The following CD99L2 variants were observed in gnomAD, a reference collection of about 807,000 sequenced individuals.
CD99L2 encodes CD99 antigen-like protein 2.
A neutral mutation model predicts 27.3 loss-of-function variants in CD99L2; 24 were observed. The observed-to-expected ratio is 0.88, with a 90% CI of 0.64 to 1.24. CD99L2 has a LOEUF of 1.24. Among genes scored for constraint, CD99L2 ranks in the 50% most tolerant of loss-of-function variants. The pLI, the probability that CD99L2 is intolerant of heterozygous loss-of-function variation, is 0.00. For synonymous variants in CD99L2, 97 were observed against 87.9 expected, an observed-to-expected ratio of 1.10 and a Z score of -0.58; for missense variants, 255 against 221.6, an observed-to-expected ratio of 1.15 and a Z score of -0.96.
chrX:150,868,869 C>T (rs186026113), intron 1 of CD99L2, among the ~76,000 whole-genome samples: 4 of 111,655 alleles, frequency 3.6e-5, no homozygotes. Context: ...CTTGTGATGG[C>T]CTCGTGGCAG....
chrX:150,775,111 T>C lies in CD99L2; in HGVS notation c.655+1063A>G, dbSNP rs781998876. Among the ~76,000 whole-genome samples the C allele has an allele frequency of 8.0e-5, 9 of 112,472 alleles. No individual in the cohort carries two copies. The South Asian group carries it at 2.2e-3, about 28-fold the overall frequency. On this transcript the variant is annotated intron_variant, in intron 9 of 10. Coordinates refer to ENST00000370377, the MANE Select transcript of CD99L2 (RefSeq NM_031462.4). The stretch of plus-strand genomic sequence containing the variant: ...ATATGATGGTCAGATTAATAAACAG[T>C]TGGAGACTTCCGTAAAGCATCTTGG...
intron 1 of CD99L2, among the ~76,000 whole-genome samples, chrX:150,874,876 T>A (rs2047206836): frequency 8.9e-6 from 1 of 111,868 alleles, no homozygotes; most frequent in African/African-American, 3.3e-5. Flanking sequence ...CCAGACTGAT[T>A]CCACCTGTTC....
rs369721600 is a variant in CD99L2 at position 150,777,570 on chromosome X, C to T, written c.497-88G>A. The T allele has an allele frequency of 2.0e-4, 187 of 940,677 alleles. No homozygotes were observed. In the East Asian group the frequency reaches 5.1e-3, roughly 26 times the overall value. The allele number at this position is 940,677 out of a possible 1,213,427, so 77.5% of individuals were successfully genotyped here. ...TCCGCGAGACGGATGGCAGTGCTGG[C>T]CCTTCCAATCCCACCTATGCGACAA... On this transcript the variant is annotated intron_variant, in intron 7 of 10. Coordinates refer to ENST00000370377, the MANE Select transcript of CD99L2 (RefSeq NM_031462.4).
chrX:150,889,666 T>A (rs1557422725), intron 1 of CD99L2, among the ~76,000 whole-genome samples: 1 of 112,219 alleles, frequency 8.9e-6, no homozygotes, highest in Admixed American at 9.4e-5. Context: ...AGATGTTCAC[T>A]GAACAGGGGT....
chrX:150,884,298 T>C (rs2047375112), intron 1 of CD99L2, among the ~76,000 whole-genome samples: 1 of 112,078 alleles, frequency 8.9e-6, no homozygotes, highest in Non-Finnish European at 1.9e-5. Flanking sequence ...AGGGTGATGA[T>C]ACTGCATGTC....
At chrX:150,781,968 G>C (rs2045519383) in intron 7 of CD99L2, among the ~76,000 whole-genome samples, 1 of 112,045 alleles carries the variant, frequency 8.9e-6, no homozygotes, top group African/African-American at 3.2e-5. Context: ...ATACATCTGG[G>C]GGAGGCGGGG....
chrX:150,850,494 C>A (rs1557421571), intron 1 of CD99L2, among the ~76,000 whole-genome samples: 1 of 112,119 alleles, frequency 8.9e-6, no homozygotes, highest in East Asian at 2.8e-4. Context: ...CACATAGAAA[C>A]AAATATTACA....
At chrX:150,861,141 CAAA>C (rs782255590) in intron 1 of CD99L2, among the ~76,000 whole-genome samples, 1 of 40,913 alleles carries the variant, frequency 2.4e-5, no homozygotes, top group African/African-American at 8.8e-5. Context: ...GACTCTGTCT[CAAA>C]AAAAAAAAAA....
chrX:150,769,332 AAAAAAT>A (rs2043371324), intron 10 of CD99L2, among the ~76,000 whole-genome samples: 3 of 112,024 alleles, frequency 2.7e-5, no homozygotes, highest in Non-Finnish European at 5.6e-5. Flanking sequence ...CTCCTCACCT[AAAAAAT>A]GAGCGTGTTC....
intron 1 of CD99L2, among the ~76,000 whole-genome samples, chrX:150,857,776 G>A (rs2046915977): frequency 9.0e-6 from 1 of 111,647 alleles, no homozygotes; most frequent in South Asian, 3.7e-4. Flanking sequence ...AGAAGAAAAG[G>A]ACAAACAACA....
intron 8 of CD99L2, chrX:150,777,204 A>C (rs2043571871): frequency 2.4e-6 from 1 of 420,453 alleles, no homozygotes; most frequent in African/African-American, 2.5e-5. Flanking sequence ...GGTGAAATTC[A>C]CAGAACTGTT....
intron 1 of CD99L2, among the ~76,000 whole-genome samples, chrX:150,872,970 C>T (rs1228996671): frequency 1.8e-5 from 2 of 111,760 alleles, no homozygotes; most frequent in African/African-American, 6.5e-5. Context: ...AGCCTTCCCC[C>T]TCCACCTGTG....
rs2043353582 is a variant in CD99L2, at chrX:150,768,714, A to T, written c.*320T>A. On this transcript the variant is annotated 3_prime_UTR_variant, in exon 11 of 11. Transcript: ENST00000370377. The stretch of plus-strand genomic sequence containing the variant: ...AGCATAAATGTCATCAGGCCTCAGC[A>T]TCATCTTGGCCCCCGCATCCTGTGC... The T allele has an allele frequency of 3.3e-6, 1 of 303,403 alleles. No individual in the cohort carries two copies. The highest frequency in any genetic ancestry group is 5.6e-6 in the Non-Finnish European group (1 of 180,097). The allele number at this position is 303,403 out of a possible 1,213,427, so 25.0% of individuals were successfully genotyped here.
intron 7 of CD99L2, among the ~76,000 whole-genome samples, chrX:150,783,887 T>C (rs1330954834): frequency 4.5e-5 from 5 of 111,810 alleles, no homozygotes; most frequent in African/African-American, 9.8e-5. Context: ...GGGTTCGCAC[T>C]TGGAGCAGAC....
At chrX:150,896,224 C>A (rs1557423083) in intron 1 of CD99L2, among the ~76,000 whole-genome samples, 4 of 109,444 alleles carry the variant, frequency 3.7e-5, no homozygotes. Flanking sequence ...ACAGTGAAAC[C>A]CCATCTCTAC....
intron 2 of CD99L2, among the ~76,000 whole-genome samples, chrX:150,824,647 A>AGAAGAAGAGGAAGAG (rs1569566013): frequency 6.9e-5 from 6 of 87,137 alleles, no homozygotes; most frequent in African/African-American, 2.8e-4. Flanking sequence ...GAGGAGAAGA[A>AGAAGAAGAGGAAGAG]GAAGAAGAAG....
At chrX:150,791,023 C>G (rs782113151) in intron 7 of CD99L2, among the ~76,000 whole-genome samples, 1 of 110,698 alleles carries the variant, frequency 9.0e-6, no homozygotes, top group South Asian at 3.9e-4. Flanking sequence ...AGCTTTCTCC[C>G]CACTCTGTCC....
In CD99L2 at chrX:150,766,857, G is replaced by A. The variant is rs913154167; in HGVS notation, c.*2177C>T. 6 of 112,014 alleles carry A rather than the reference G, an allele frequency of 5.4e-5. No individual in the cohort carries two copies. In the Admixed American group the frequency reaches 5.7e-4, roughly 11 times the overall value. 9.2% of individuals were successfully genotyped at this position (112,014 alleles called of 1,213,427 possible). ...CTGAGGGGTCTTCCAGGCATGTCCA[G>A]TCACTAGGAGCTGCCACCGGTGGGC... On this transcript the variant is annotated 3_prime_UTR_variant, in exon 11 of 11. Transcript: ENST00000370377.
chrX:150,793,787 C>G (rs782050961), intron 6 of CD99L2, 31 bp from the exon 7 acceptor site: 4 of 1,106,535 alleles, frequency 3.6e-6, no homozygotes, highest in Non-Finnish European at 4.9e-6. Context: ...ATTTCAACAA[C>G]AAGAAAAAAA....
Sources: allele counts gnomAD v4.1 joint callset (sites outside exome capture counted in the v4.1 genomes callset), GRCh38; gene constraint gnomAD v4.1.1; transcripts MANE v1.5; gene names NCBI Gene and HGNC (gene_info 2026-07-23, HGNC 2026-07-21).